The following SPATS1 variants were observed in gnomAD, a reference collection of about 807,000 sequenced individuals.
The protein encoded by SPATS1 is spermatogenesis associated serine rich 1, also known as spermatogenesis-associated serine-rich protein 1.
Under a neutral mutation model 33.6 loss-of-function variants are expected in SPATS1, and 23 were observed. The observed-to-expected ratio is 0.68, with a 90% CI of 0.49 to 0.97. SPATS1 has a LOEUF of 0.97. Among genes scored for constraint, SPATS1 ranks in the 50% least tolerant of loss-of-function variants. The pLI is 0.00. For synonymous variants in SPATS1, 131 were observed against 125.6 expected, an observed-to-expected ratio of 1.04 and a Z score of -0.29; for missense variants, 327 against 361.0, an observed-to-expected ratio of 0.91 and a Z score of 0.76.
At chr6:44,357,166 A>G (rs1788639868) in intron 3 of SPATS1, among the ~76,000 whole-genome samples, 2 of 152,238 alleles carry the variant, frequency 1.3e-5, no homozygotes, top group East Asian at 3.9e-4. Flanking sequence ...TCCTGCCACA[A>G]CCACATCAAA....
intron 7 of SPATS1, 149 bp downstream of exon 7, chr6:44,370,262 T>C: frequency 1.5e-6 from 1 of 654,172 alleles, no homozygotes. Flanking sequence ...GTAAGGAAGG[T>C]GTTTGGATAG....
intron 5 of SPATS1, 113 bp downstream of exon 5, chr6:44,362,105 C>A: frequency 7.5e-7 from 1 of 1,328,472 alleles, no homozygotes. Context: ...CACCATGTTC[C>A]CCTAGTGCAG....
chr6:44,358,949 TA>T (rs1215408155), intron 3 of SPATS1, among the ~76,000 whole-genome samples: 8 of 152,314 alleles, frequency 5.3e-5, no homozygotes, highest in African/African-American at 1.2e-4. Context: ...TTTTATCCAT[TA>T]AAAAATGTTT....
At position 44,379,599 on chromosome 6, in the gene SPATS1, C is replaced by CAAAAAAAAAAAAAAA. The variant is rs55976441; in HGVS notation, c.*2550_*2564dup. 3.7e-4 allele frequency among the ~76,000 whole-genome samples: 20 copies of CAAAAAAAAAAAAAAA among 54,740 alleles called. No homozygotes were observed. Among genetic ancestry groups the CAAAAAAAAAAAAAAA allele is most frequent in the East Asian group, 5.6e-4 (1 of 1,800 alleles). The allele number at this position is 54,740 out of a possible 152,430, so 35.9% of individuals were successfully genotyped here. A position where few individuals can be genotyped will look rare whatever the true frequency, so the allele number is the denominator to read the frequency against. On this transcript the variant is annotated 3_prime_UTR_variant, in exon 9 of 9. Transcript: ENST00000674044. ...TGGGCAACAGAGTGAGACTCTGTCT[C>CAAAAAAAAAAAAAAA]AAAAAAAAAAAAAAAAAAAAAAAAA... is the stretch of plus-strand genomic sequence containing the variant.
chr6:44,346,013 TAC>T (rs1466247290), intron 2 of SPATS1, among the ~76,000 whole-genome samples: 1 of 152,162 alleles, frequency 6.6e-6, no homozygotes, highest in Non-Finnish European at 1.5e-5. Flanking sequence ...TGGGGCCACG[TAC>T]AGTGTCTCAT....
rs1319463683 is a variant in SPATS1 at position 44,379,326 on chromosome 6, C to G, written c.*2263C>G. 6.6e-6 allele frequency among the ~76,000 whole-genome samples: 1 copy of G among 152,020 alleles called. No homozygotes were observed. The highest frequency in any genetic ancestry group is 2.4e-5 in the African/African-American group (1 of 41,388). On this transcript the variant is annotated 3_prime_UTR_variant, in exon 9 of 9. Coordinates refer to ENST00000674044, the MANE Select transcript of SPATS1 (RefSeq NM_001372081.1). ...AAACAACCGGCTGGGCGTGGTGGCT[C>G]ACGCCTGTAATCCCAGCACTTTGGG...
At chr6:44,358,190 G>A (rs1455261740) in intron 3 of SPATS1, among the ~76,000 whole-genome samples, 2 of 152,190 alleles carry the variant, frequency 1.3e-5, no homozygotes, top group African/African-American at 4.8e-5. Context: ...GAGCAAACAA[G>A]ACAAGCAATA....
At chr6:44,350,621 G>C (rs1357322711) in intron 2 of SPATS1, among the ~76,000 whole-genome samples, 1 of 152,238 alleles carries the variant, frequency 6.6e-6, no homozygotes, top group African/African-American at 2.4e-5. Context: ...TCTTAGGAGT[G>C]AAAGGTTTGG....
chr6:44,345,231 G>A (rs1421988421), intron 2 of SPATS1, among the ~76,000 whole-genome samples: 2 of 152,126 alleles, frequency 1.3e-5, no homozygotes, highest in African/African-American at 2.4e-5. Flanking sequence ...GTTTGAGGTT[G>A]AGTTACTCTC....
chr6:44,346,928 A>G (rs1296395356), intron 2 of SPATS1, among the ~76,000 whole-genome samples: 1 of 152,206 alleles, frequency 6.6e-6, no homozygotes, highest in African/African-American at 2.4e-5. Flanking sequence ...ATGTACACGT[A>G]TGTTTATTGC....
At chr6:44,360,406 A>G (rs576317319) in intron 3 of SPATS1, 40 bp from the exon 4 acceptor site, 24 of 1,613,172 alleles carry the variant, frequency 1.5e-5, no homozygotes, top group Admixed American at 6.7e-5. Flanking sequence ...TGTAACTACC[A>G]GTTTAAGCAC....
chr6:44,347,292 G>A (rs1342546867), intron 2 of SPATS1, among the ~76,000 whole-genome samples: 1 of 152,098 alleles, frequency 6.6e-6, no homozygotes, highest in African/African-American at 2.4e-5. Flanking sequence ...GTTGATGGGT[G>A]CAGCAAACTA....
rs1440324228 is a variant in SPATS1, at chr6:44,378,515, T to C, written c.*1452T>C. On this transcript the variant is annotated 3_prime_UTR_variant, in exon 9 of 9. Transcript: ENST00000674044. The stretch of plus-strand genomic sequence containing the variant: ...AGCCAGGTGTGGTGGCTCATGCCTG[T>C]AATCCCAGCACTTTTGGAGGCCGAG... 6.6e-6 allele frequency: 1 copy of C among 152,246 alleles called. No homozygotes were observed. The allele number at this position is 152,246 out of a possible 1,614,324, so 9.4% of individuals were successfully genotyped here.
chr6:44,369,124 C>T (rs1003732514), intron 6 of SPATS1, among the ~76,000 whole-genome samples: 5 of 152,072 alleles, frequency 3.3e-5, no homozygotes, highest in African/African-American at 1.2e-4. Flanking sequence ...TCTTGATCTC[C>T]TGACCTCGTG....
At chr6:44,363,117 G>A (rs1246445123) in intron 5 of SPATS1, among the ~76,000 whole-genome samples, 6 of 149,688 alleles carry the variant, frequency 4.0e-5, no homozygotes, top group African/African-American at 7.4e-5. Flanking sequence ...GATTACAGGC[G>A]TAAGCCACCG....
intron 5 of SPATS1, among the ~76,000 whole-genome samples, chr6:44,363,648 TTCCTTCCC>T (rs1325736602): frequency 1.6e-5 from 1 of 62,526 alleles, no homozygotes; most frequent in South Asian, 4.1e-4. Context: ...CTTTCCTTCC[TTCCTTCCC>T]TCCTTCCCTC....
At chr6:44,359,062 G>A (rs527499412) in intron 3 of SPATS1, among the ~76,000 whole-genome samples, 14 of 152,016 alleles carry the variant, frequency 9.2e-5, no homozygotes, top group Admixed American at 9.2e-4. Flanking sequence ...ATGAGGTGGA[G>A]TGATCCTTCC....
At position 44,360,508 on chromosome 6, in the gene SPATS1, C is replaced by T. The variant is rs759023355; in HGVS notation, c.350C>T (p.Ser117Leu). 6 of 1,614,104 alleles carry T rather than the reference C, an allele frequency of 3.7e-6. No individual in the cohort carries two copies. Among genetic ancestry groups the T allele is most frequent in the African/African-American group, 2.7e-5 (2 of 75,034 alleles). Reference protein sequence around the residue: ...FSHSDHSSEMSLPEVQKDKYP... With the variant: ...FSHSDHSSEMLLPEVQKDKYP... Reference sequence around the variant, plus strand: ...CATTCTGATCACTCCTCTGAAATGTCGTTGCCTGAAGTCCAAAAGGATAAA... The same window carrying T: ...CATTCTGATCACTCCTCTGAAATGTTGTTGCCTGAAGTCCAAAAGGATAAA... Residue 117 changes from serine (S) to leucine (L), a missense_variant, in exon 4 of 9, where the codon TCG becomes TTG. Transcript: ENST00000674044.
intron 2 of SPATS1, among the ~76,000 whole-genome samples, chr6:44,349,068 T>C (rs1788078441): frequency 6.6e-6 from 1 of 151,390 alleles, no homozygotes; most frequent in Non-Finnish European, 1.5e-5. Context: ...GAGGCGGAGG[T>C]TGCAGTGAGC....
Sources: gnomAD v4.1 joint callset for allele counts (sites outside exome capture counted in the v4.1 genomes callset) on GRCh38, gnomAD v4.1.1 for gene constraint, MANE v1.5 for transcripts, NCBI Gene and HGNC (gene_info 2026-07-23, HGNC 2026-07-21) for gene names.